SLC8A1: variants seen among roughly 807,000 people sequenced by gnomAD.
SLC8A1 encodes sodium/calcium exchanger 1.
Under a neutral mutation model 68.3 loss-of-function variants are expected in SLC8A1, and 18 were observed. That is an observed-to-expected ratio of 0.26 (90% CI 0.18 to 0.39). The LOEUF is 0.39. Ranked by LOEUF, SLC8A1 falls within the 10% of genes least tolerant of loss-of-function variation. The probability of loss-of-function intolerance (pLI) is 1.00; values close to 1 mark genes in which losing one functional copy is unlikely to be tolerated. For missense variants in SLC8A1, 985 were observed against 1,156.7 expected (o/e 0.85, Z 2.15); for synonymous variants, 475 against 415.5 (o/e 1.14, Z -1.74).
At chr2:40,160,677 G>C in intron 6 of SLC8A1, 88 bp downstream of exon 9, 1 of 1,128,214 alleles carries the variant, frequency 8.9e-7, no homozygotes, top group Non-Finnish European at 1.3e-6. Flanking sequence ...GCCCTTTGGT[G>C]CTTTGCCATA....
At position 40,491,389 on chromosome 2, in the gene SLC8A1, G is replaced by A. The variant is rs565657706; in HGVS notation, c.-25+20960C>T. Among the ~76,000 whole-genome samples the A allele has an allele frequency of 4.7e-4, 71 of 152,216 alleles. 1 individual carries two copies. The South Asian group carries it at 0.012, about 26-fold the overall frequency. On this transcript the variant is annotated intron_variant, in intron 1 of 7. Transcript: ENST00000402441. Reference sequence around the variant, plus strand: ...TCAGCTTAAGGAGATTTTGGGCTGAGACAATGGGGTTTTCTAGATATACAA... The same window carrying A: ...TCAGCTTAAGGAGATTTTGGGCTGAAACAATGGGGTTTTCTAGATATACAA...
chr2:40,187,218 A>C (rs548430008), intron 2 of SLC8A1, among the ~76,000 whole-genome samples: 2 of 152,204 alleles, frequency 1.3e-5, no homozygotes, highest in African/African-American at 2.4e-5. Flanking sequence ...CCAGGTTCTC[A>C]TTCACCACTA....
At chr2:40,401,972 T>C (rs1449938292) in intron 2 of SLC8A1, among the ~76,000 whole-genome samples, 1 of 152,178 alleles carries the variant, frequency 6.6e-6, no homozygotes, top group Non-Finnish European at 1.5e-5. Context: ...TGTATAATTG[T>C]CAGAGGCATT....
At chr2:40,487,223 G>A (rs1705026395) in intron 1 of SLC8A1, among the ~76,000 whole-genome samples, 1 of 152,044 alleles carries the variant, frequency 6.6e-6, no homozygotes, top group Admixed American at 6.6e-5. Context: ...TCCTGAGGAG[G>A]TAGCATGTGA....
chr2:40,381,050 T>G (rs1051091065), intron 2 of SLC8A1, among the ~76,000 whole-genome samples: 1 of 152,116 alleles, frequency 6.6e-6, no homozygotes, highest in Admixed American at 6.6e-5. Flanking sequence ...CCAAACCTCT[T>G]CATTTCCTAT....
At chr2:40,238,461 GCT>G (rs1387855667) in intron 2 of SLC8A1, among the ~76,000 whole-genome samples, 101 of 152,152 alleles carry the variant, frequency 6.6e-4, no homozygotes, top group Non-Finnish European at 5.7e-4. Context: ...CCCTGCTTCG[GCT>G]CGCACACGGT....
intron 2 of SLC8A1, among the ~76,000 whole-genome samples, chr2:40,355,292 A>G (rs1672334537): frequency 6.6e-6 from 1 of 152,178 alleles, no homozygotes; most frequent in Non-Finnish European, 1.5e-5. Context: ...AACATGCATG[A>G]TATTCTCAGT....
intron 7 of SLC8A1, among the ~76,000 whole-genome samples, chr2:40,131,335 T>G (rs1286410505): frequency 6.6e-6 from 1 of 152,216 alleles, no homozygotes; most frequent in Non-Finnish European, 1.5e-5. Flanking sequence ...AGACAGAGGC[T>G]GTTAACTGTC....
chr2:40,102,504 G>A (rs2033954964), exon 8 of SLC8A1: 1 of 152,150 alleles, frequency 6.6e-6, no homozygotes, highest in South Asian at 2.1e-4. Context: ...CAACTGTCGG[G>A]ACATGTAATT....
At chr2:40,194,596 G>A (rs1385635692) in intron 2 of SLC8A1, among the ~76,000 whole-genome samples, 1 of 151,918 alleles carries the variant, frequency 6.6e-6, no homozygotes, top group African/African-American at 2.4e-5. Context: ...ATAAGAAATA[G>A]CCACTTAATA....
chr2:40,231,241 G>C (rs911225308), intron 2 of SLC8A1, among the ~76,000 whole-genome samples: 1 of 152,178 alleles, frequency 6.6e-6, no homozygotes, highest in Admixed American at 6.5e-5. Flanking sequence ...CTACAATGGA[G>C]TTAAATTCTG....
At chr2:40,136,796 C>T (rs1372660377) in intron 7 of SLC8A1, among the ~76,000 whole-genome samples, 1 of 152,086 alleles carries the variant, frequency 6.6e-6, no homozygotes, top group Non-Finnish European at 1.5e-5. Context: ...ATGTGATGTT[C>T]ATCCAACAGC....
intron 2 of SLC8A1, among the ~76,000 whole-genome samples, chr2:40,279,265 C>T (rs969658639): frequency 6.6e-6 from 1 of 152,088 alleles, no homozygotes; most frequent in African/African-American, 2.4e-5. Context: ...TTTCTGGCTC[C>T]CTTATACTAC....
At chr2:40,288,942 C>T (rs1222416027) in intron 2 of SLC8A1, among the ~76,000 whole-genome samples, 1 of 149,882 alleles carries the variant, frequency 6.7e-6, no homozygotes, top group Admixed American at 6.7e-5. Flanking sequence ...TCAAGTGATC[C>T]TCCCAACTTG....
chr2:40,302,553 G>A (rs887557160), intron 2 of SLC8A1, among the ~76,000 whole-genome samples: 17 of 146,860 alleles, frequency 1.2e-4, no homozygotes, highest in Non-Finnish European at 6.0e-5. Context: ...TCATATATAT[G>A]TATATATATC....
chr2:40,488,698 T>G (rs1199767874), intron 1 of SLC8A1, among the ~76,000 whole-genome samples: 1 of 152,174 alleles, frequency 6.6e-6, no homozygotes, highest in African/African-American at 2.4e-5. Flanking sequence ...TCTTGGATTT[T>G]AAAGGTTATT....
chr2:40,389,847 A>G (rs1003238773), intron 2 of SLC8A1, among the ~76,000 whole-genome samples: 1 of 147,148 alleles, frequency 6.8e-6, no homozygotes, highest in Non-Finnish European at 1.5e-5. Context: ...TATATATCAT[A>G]TATATCAAAG....
chr2:40,320,666 T>C (rs954974133), intron 2 of SLC8A1, among the ~76,000 whole-genome samples: 3 of 152,162 alleles, frequency 2.0e-5, no homozygotes, highest in Non-Finnish European at 2.9e-5. Context: ...TTAAGACAAG[T>C]GAAGAATGGT....
chr2:40,338,122 T>C (rs1666570318), intron 2 of SLC8A1, among the ~76,000 whole-genome samples: 1 of 151,980 alleles, frequency 6.6e-6, no homozygotes, highest in Non-Finnish European at 1.5e-5. Context: ...TCCCTCTCCC[T>C]CTCTCTCTCC....
Sources: allele counts gnomAD v4.1 joint callset (sites outside exome capture counted in the v4.1 genomes callset), GRCh38; gene constraint gnomAD v4.1.1; transcripts MANE v1.5; gene names NCBI Gene and HGNC (gene_info 2026-07-23, HGNC 2026-07-21).